The following MSI2 variants were observed in gnomAD, a reference collection of about 807,000 sequenced individuals.
The protein encoded by MSI2 is RNA-binding protein Musashi homolog 2.
Under a neutral mutation model 45.6 loss-of-function variants are expected in MSI2, and 17 were observed. The ratio of observed to expected loss-of-function variants is 0.37; its 90% CI spans 0.26 to 0.56. The LOEUF is 0.56. Ranked by LOEUF, MSI2 falls within the 20% of genes least tolerant of loss-of-function variation. MSI2 has a pLI of 0.77. For missense variants in MSI2, 293 were observed against 444.2 expected (o/e 0.66, Z 3.06); for synonymous variants, 156 against 158.2 (o/e 0.99, Z 0.11).
chr17:57,457,836 G>T (rs1290149840), intron 6 of MSI2, among the ~76,000 whole-genome samples: 1 of 152,146 alleles, frequency 6.6e-6, no homozygotes, highest in Non-Finnish European at 1.5e-5. Flanking sequence ...TTGAGTCCAG[G>T]AGTTCAAGAA....
chr17:57,403,227 A>G (rs1233119303), intron 6 of MSI2, among the ~76,000 whole-genome samples: 1 of 152,150 alleles, frequency 6.6e-6, no homozygotes. Context: ...CTACTTGCCA[A>G]CACATAGCAC....
intron 6 of MSI2, among the ~76,000 whole-genome samples, chr17:57,463,497 C>A (rs1471208945): frequency 6.6e-6 from 1 of 152,118 alleles, no homozygotes; most frequent in Non-Finnish European, 1.5e-5. Flanking sequence ...AGTCACCCAC[C>A]CACTAAGGCT....
the MSI2 span, among the ~76,000 whole-genome samples, chr17:57,690,778 A>C: frequency 4.6e-5 from 7 of 152,202 alleles, no homozygotes; most frequent in African/African-American, 1.7e-4. Context: ...AAAAGTTCTT[A>C]ATTTTTATGA....
chr17:57,301,392 A>G (rs946557404), intron 5 of MSI2, among the ~76,000 whole-genome samples: 1 of 152,228 alleles, frequency 6.6e-6, no homozygotes, highest in Non-Finnish European at 1.5e-5. Flanking sequence ...CCTTCCTCAC[A>G]TATAAAATAT....
In MSI2 at chr17:57,653,448, G is replaced by T. The variant is rs142096448; in HGVS notation, c.790+1287G>T. 3.9e-3 allele frequency among the ~76,000 whole-genome samples: 601 copies of T among 152,156 alleles called. 2 individuals carry two copies. Among genetic ancestry groups the T allele is most frequent in the African/African-American group, 0.014 (578 of 41,516 alleles). ...TGCTCACCACAGCCAGTGTCCAAAG[G>T]CCCCACCTGCCCTCTGGCCAGTGTC... On this transcript the variant is annotated intron_variant, in intron 11 of 13. Transcript: ENST00000284073.
chr17:57,586,626 G>C (rs548317578), intron 7 of MSI2, among the ~76,000 whole-genome samples: 135 of 152,326 alleles, frequency 8.9e-4, no homozygotes, highest in African/African-American at 3.2e-3. Flanking sequence ...AGCAGGATCT[G>C]TCATTTACAC....
intron 5 of MSI2, among the ~76,000 whole-genome samples, chr17:57,315,045 AGC>A (rs1233956579): frequency 6.6e-6 from 1 of 152,042 alleles, no homozygotes; most frequent in East Asian, 1.9e-4. Context: ...GGGCTTTAGG[AGC>A]TTTTGAAAGC....
rs1913685778 is a variant in MSI2, at chr17:57,682,623, C to G, written c.*3106C>G. 4.7e-6 allele frequency: 1 copy of G among 213,298 alleles called. No homozygotes were observed. Among genetic ancestry groups the G allele is most frequent in the Non-Finnish European group, 9.5e-6 (1 of 105,508 alleles). The allele number at this position is 213,298 out of a possible 1,614,324, so 13.2% of individuals were successfully genotyped here. A position where few individuals can be genotyped will look rare whatever the true frequency, so the allele number is the denominator to read the frequency against. On this transcript the variant is annotated 3_prime_UTR_variant, in exon 14 of 14. Transcript: ENST00000284073. ...TAAGGTTCACGTTAGTCCCCCCATT[C>G]CATCTAGAAGTCCATTTTGAAAGAT...
At chr17:57,676,165 C>T (rs149947325) in intron 12 of MSI2, among the ~76,000 whole-genome samples, 1,629 of 152,388 alleles carry the variant, frequency 0.011, 17 homozygotes, top group Non-Finnish European at 0.018. Context: ...CAGTCTAGGG[C>T]ACCAAGGTGG....
chr17:57,441,230 G>A (rs1301216433), intron 6 of MSI2, among the ~76,000 whole-genome samples: 1 of 152,136 alleles, frequency 6.6e-6, no homozygotes, highest in Non-Finnish European at 1.5e-5. Flanking sequence ...AGAGGGAGAG[G>A]TTCCACTCCC....
intron 5 of MSI2, among the ~76,000 whole-genome samples, chr17:57,290,922 G>T (rs1910354218): frequency 6.6e-6 from 1 of 152,232 alleles, no homozygotes; most frequent in South Asian, 2.1e-4. Flanking sequence ...TTCTGCCCAC[G>T]CTGGGGGGCC....
intron 7 of MSI2, among the ~76,000 whole-genome samples, chr17:57,577,763 A>G (rs981050713): frequency 2.6e-5 from 4 of 152,204 alleles, no homozygotes; most frequent in African/African-American, 9.6e-5. Flanking sequence ...CACAGCAATT[A>G]CTTGGAGTAA....
Position 57,596,836 on chromosome 17 carries a change from C to G in MSI2, c.455-32C>G, listed in dbSNP as rs1567924882. On this transcript the variant is annotated intron_variant, in intron 7 of 13. Transcript: ENST00000284073. This position sits in a 1 kb window ranked among gnomAD's most constrained non-coding sequence, Gnocchi z 4.6. ...CCAGAACTGAACTCACCCCGCCTCT[C>G]TTTGTTTTTTCTTCTCTCTCTTTTC... is the stretch of plus-strand genomic sequence containing the variant. 4 of 1,554,882 alleles carry G rather than the reference C, an allele frequency of 2.6e-6. No homozygotes were observed. The highest frequency in any genetic ancestry group is 3.5e-6 in the Non-Finnish European group (4 of 1,127,104).
intron 6 of MSI2, among the ~76,000 whole-genome samples, chr17:57,467,971 C>T (rs1413580823): frequency 6.6e-6 from 1 of 151,278 alleles, no homozygotes; most frequent in Non-Finnish European, 1.5e-5. Context: ...TCTCTGGGTC[C>T]AGCCAACAAA....
intron 5 of MSI2, among the ~76,000 whole-genome samples, chr17:57,334,855 A>T: frequency 6.6e-6 from 1 of 152,108 alleles, no homozygotes; most frequent in Non-Finnish European, 1.5e-5. Context: ...AGATGGAGGA[A>T]AAGGGTTTGG....
At chr17:57,530,753 T>C (rs2144069350) in intron 7 of MSI2, among the ~76,000 whole-genome samples, 1 of 152,270 alleles carries the variant, frequency 6.6e-6, no homozygotes, top group Admixed American at 6.5e-5. Context: ...ACTGACTGTA[T>C]GTCTTTCCTG....
chr17:57,393,923 C>T (rs1318671097), intron 5 of MSI2, among the ~76,000 whole-genome samples: 1 of 152,158 alleles, frequency 6.6e-6, no homozygotes, highest in Non-Finnish European at 1.5e-5. Context: ...CTCAGGTGAT[C>T]CACCTGCCTT....
intron 7 of MSI2, among the ~76,000 whole-genome samples, chr17:57,535,094 A>G (rs1004348967): frequency 3.3e-5 from 5 of 152,226 alleles, no homozygotes; most frequent in East Asian, 1.9e-4. Flanking sequence ...GTAGACAGCC[A>G]GCGGGAGGGA....
chr17:57,379,584 A>G (rs2083563382), intron 5 of MSI2, among the ~76,000 whole-genome samples: 1 of 151,116 alleles, frequency 6.6e-6, no homozygotes, highest in African/African-American at 2.4e-5. Flanking sequence ...GCTGTCGGCC[A>G]TCAGGAAGTT....
Sources: allele counts gnomAD v4.1 joint callset (sites outside exome capture counted in the v4.1 genomes callset), GRCh38; gene constraint gnomAD v4.1.1; non-coding constraint Gnocchi (gnomAD v3.1); transcripts MANE v1.5; gene names NCBI Gene and HGNC (gene_info 2026-07-23, HGNC 2026-07-21).